AGBL4: variants seen among roughly 807,000 people sequenced by gnomAD.
AGBL4 encodes the protein AGBL carboxypeptidase 4.
AGBL4 carries 58 observed loss-of-function variants against 66.4 expected under a neutral mutation model. The observed-to-expected ratio is 0.87, with a 90% confidence interval of 0.71 to 1.09. The LOEUF (loss-of-function observed/expected upper bound fraction) is 1.09. AGBL4 is among the 50% of genes least tolerant of loss of function. AGBL4 has a pLI of 0.00. For missense variants in AGBL4, 579 were observed against 631.0 expected (o/e 0.92, Z 0.88); for synonymous variants, 234 against 222.9 (o/e 1.05, Z -0.44).
intron 1 of AGBL4, among the ~76,000 whole-genome samples, chr1:49,988,010 T>C (rs1196581786): frequency 6.6e-6 from 1 of 151,628 alleles, no homozygotes; most frequent in Admixed American, 6.6e-5. Context: ...ACCTAGCCTA[T>C]AGAATTTATT....
chr1:49,199,327 T>G (rs1043989227), intron 4 of AGBL4, among the ~76,000 whole-genome samples: 18 of 152,208 alleles, frequency 1.2e-4, no homozygotes, highest in African/African-American at 4.3e-4. Context: ...GTATCTGATA[T>G]TTTCTCTATA....
intron 2 of AGBL4, among the ~76,000 whole-genome samples, chr1:49,721,624 A>T (rs1447975315): frequency 6.6e-6 from 1 of 152,144 alleles, no homozygotes. Context: ...AGGTTTCTCT[A>T]GTGGCAGTAT....
intron 3 of AGBL4, among the ~76,000 whole-genome samples, chr1:49,410,815 G>A (rs1457287433): frequency 1.3e-5 from 2 of 152,116 alleles, no homozygotes; most frequent in African/African-American, 4.8e-5. Flanking sequence ...CACACCTTAT[G>A]ATGATGATGA....
chr1:48,997,129 G>A (rs1165057710), intron 5 of AGBL4, among the ~76,000 whole-genome samples: 1 of 152,036 alleles, frequency 6.6e-6, no homozygotes, highest in Non-Finnish European at 1.5e-5. Flanking sequence ...CATCATGTTG[G>A]CCAGGCTGGT....
chr1:48,757,919 C>A (rs1027065763), intron 6 of AGBL4, among the ~76,000 whole-genome samples: 1 of 152,160 alleles, frequency 6.6e-6, no homozygotes, highest in African/African-American at 2.4e-5. Flanking sequence ...TTGTGTTATA[C>A]CGATTTCCTC....
At chr1:48,814,484 A>G (rs1646128740) in intron 6 of AGBL4, among the ~76,000 whole-genome samples, 1 of 152,148 alleles carries the variant, frequency 6.6e-6, no homozygotes. Context: ...GTTCTAGCTG[A>G]AATTATATAA....
At chr1:49,622,585 C>T (rs1404087213) in intron 3 of AGBL4, among the ~76,000 whole-genome samples, 5 of 143,284 alleles carry the variant, frequency 3.5e-5, no homozygotes, top group South Asian at 2.3e-4. Context: ...GCCAAGATCC[C>T]GCCACTGCAC....
At chr1:49,694,141 A>T (rs1646939936) in intron 3 of AGBL4, among the ~76,000 whole-genome samples, 1 of 152,118 alleles carries the variant, frequency 6.6e-6, no homozygotes, top group East Asian at 1.9e-4. Flanking sequence ...TGACTAATAC[A>T]TACATGTTTT....
At chr1:48,814,867 T>C (rs531328212) in intron 6 of AGBL4, among the ~76,000 whole-genome samples, 25 of 152,286 alleles carry the variant, frequency 1.6e-4, no homozygotes, top group African/African-American at 6.0e-4. Context: ...AACATGGTGG[T>C]GCAGATGTCT....
At chr1:49,740,239 G>T (rs937940029) in intron 2 of AGBL4, among the ~76,000 whole-genome samples, 41 of 152,026 alleles carry the variant, frequency 2.7e-4, no homozygotes, top group African/African-American at 9.4e-4. Context: ...AAAAAGGCAG[G>T]GGTTGCAATC....
rs760625684 is a variant in AGBL4, at chr1:48,736,730, C to T, written c.635-73489G>A. ...CCATTTTCCTTTCAGATGGAAACAC[C>T]GGTTCAGACAGGTGAGGTGACTTGC... On this transcript the variant is annotated intron_variant, in intron 6 of 13. Coordinates refer to ENST00000371839, the MANE Select transcript of AGBL4 (RefSeq NM_032785.4). This position sits in a 1 kb window ranked among gnomAD's most constrained non-coding sequence, Gnocchi z 4.0. 2.0e-5 allele frequency among the ~76,000 whole-genome samples: 3 copies of T among 152,074 alleles called. No homozygotes were observed. The highest frequency in any genetic ancestry group is 4.4e-5 in the Non-Finnish European group (3 of 68,020).
At chr1:49,396,773 A>G (rs1187883077) in intron 3 of AGBL4, among the ~76,000 whole-genome samples, 1 of 152,178 alleles carries the variant, frequency 6.6e-6, no homozygotes, top group African/African-American at 2.4e-5. Context: ...CTCTAAAAGA[A>G]AAAAGCCCCA....
chr1:49,800,027 C>A (rs1644821441), intron 2 of AGBL4, among the ~76,000 whole-genome samples: 1 of 152,142 alleles, frequency 6.6e-6, no homozygotes, highest in African/African-American at 2.4e-5. Flanking sequence ...ACAGCTGTCA[C>A]TTCCATAGTA....
At chr1:49,722,819 TCTCA>T (rs1558192439) in intron 2 of AGBL4, among the ~76,000 whole-genome samples, 1 of 152,246 alleles carries the variant, frequency 6.6e-6, no homozygotes, top group East Asian at 1.9e-4. Flanking sequence ...ATGAATCTTC[TCTCA>T]CTCAGTCTGT....
intron 2 of AGBL4, among the ~76,000 whole-genome samples, chr1:49,781,499 C>G (rs898899747): frequency 2.6e-5 from 4 of 151,944 alleles, no homozygotes; most frequent in Non-Finnish European, 5.9e-5. Flanking sequence ...ATATATGAAG[C>G]AAAACATGAC....
chr1:49,991,020 A>T (rs1659903136), intron 1 of AGBL4, among the ~76,000 whole-genome samples: 1 of 152,220 alleles, frequency 6.6e-6, no homozygotes, highest in Non-Finnish European at 1.5e-5. Flanking sequence ...CTAACAGCAT[A>T]GCACATGTGA....
chr1:48,595,077 T>G (rs1644975493), intron 9 of AGBL4, among the ~76,000 whole-genome samples: 1 of 152,304 alleles, frequency 6.6e-6, no homozygotes, highest in African/African-American at 2.4e-5. Context: ...TTATAGAAGC[T>G]AATATCATTC....
intron 6 of AGBL4, among the ~76,000 whole-genome samples, chr1:48,766,481 G>A (rs567716489): frequency 8.5e-5 from 13 of 152,298 alleles, no homozygotes; most frequent in East Asian, 1.9e-4. Context: ...GCCAGACCAC[G>A]TCCTCTATCC....
chr1:49,382,754 T>G (rs1570580343), intron 3 of AGBL4, among the ~76,000 whole-genome samples: 1 of 152,294 alleles, frequency 6.6e-6, no homozygotes, highest in East Asian at 1.9e-4. Flanking sequence ...TGATCTTACA[T>G]GTAAAGACCT....
Sources: gnomAD v4.1 joint callset for allele counts (sites outside exome capture counted in the v4.1 genomes callset) on GRCh38, gnomAD v4.1.1 for gene constraint, Gnocchi (gnomAD v3.1) non-coding constraint, MANE v1.5 for transcripts, NCBI Gene and HGNC (gene_info 2026-07-23, HGNC 2026-07-21) for gene names.